SPAG16: variants seen among roughly 807,000 people sequenced by gnomAD.
SPAG16 encodes sperm-associated antigen 16 protein.
In SPAG16, 86 loss-of-function variants were observed where a neutral mutation model predicts 80.4. The observed-to-expected ratio is 1.07, with a 90% CI of 0.90 to 1.28. The LOEUF (loss-of-function observed/expected upper bound fraction) is 1.28, where lower values mean the gene tolerates loss of function less well. SPAG16 is among the 50% of genes most tolerant of loss of function. SPAG16 has a pLI of 0.00. For synonymous variants in SPAG16, 294 were observed against 265.9 expected (o/e 1.11, Z -1.03); for missense variants, 870 against 765.3 (o/e 1.14, Z -1.61).
At chr2:214,222,309 G>T (rs1299782987) in intron 15 of SPAG16, among the ~76,000 whole-genome samples, 1 of 151,734 alleles carries the variant, frequency 6.6e-6, no homozygotes, top group African/African-American at 2.4e-5. Flanking sequence ...TAGAGATGGG[G>T]TTTCACCATG....
chr2:213,517,117 C>T (rs906222535), intron 10 of SPAG16, among the ~76,000 whole-genome samples: 2 of 152,232 alleles, frequency 1.3e-5, no homozygotes, highest in South Asian at 4.1e-4. Context: ...AGGAAGATTT[C>T]AGGACCCAAA....
At chr2:214,134,116 C>T (rs13416921) in intron 14 of SPAG16, among the ~76,000 whole-genome samples, 15,639 of 152,204 alleles carry the variant, frequency 0.1, 1,038 homozygotes, top group East Asian at 0.28. Context: ...GACTTAATGA[C>T]GACTCATAGT....
intron 15 of SPAG16, among the ~76,000 whole-genome samples, chr2:214,395,999 A>C (rs961799328): frequency 1.3e-5 from 2 of 152,136 alleles, no homozygotes; most frequent in African/African-American, 4.8e-5. Flanking sequence ...ACACGTGTGC[A>C]TGTGTCTTTA....
intron 9 of SPAG16, among the ~76,000 whole-genome samples, chr2:213,407,047 C>T (rs909055250): frequency 6.6e-6 from 1 of 151,784 alleles, no homozygotes; most frequent in African/African-American, 2.4e-5. Flanking sequence ...GGAGAAGCCG[C>T]GGGAGCGGGT....
At chr2:214,062,138 G>T (rs2050296414) in intron 13 of SPAG16, among the ~76,000 whole-genome samples, 1 of 151,866 alleles carries the variant, frequency 6.6e-6, no homozygotes, top group African/African-American at 2.4e-5. Context: ...CAACCTCCTG[G>T]GCCAGGCAGA....
intron 15 of SPAG16, among the ~76,000 whole-genome samples, chr2:214,387,504 C>T (rs531171453): frequency 3.7e-4 from 56 of 152,266 alleles, no homozygotes; most frequent in Non-Finnish European, 7.2e-4. Flanking sequence ...CTTTTACTTT[C>T]CACCACATTC....
chr2:213,647,478 C>T (rs561403283), intron 10 of SPAG16, among the ~76,000 whole-genome samples: 5 of 152,204 alleles, frequency 3.3e-5, no homozygotes, highest in Non-Finnish European at 5.9e-5. Context: ...GGTCCCGCTG[C>T]TGGCATACAG....
intron 10 of SPAG16, among the ~76,000 whole-genome samples, chr2:213,844,926 T>C (rs1222567100): frequency 1.3e-5 from 2 of 152,214 alleles, no homozygotes; most frequent in Non-Finnish European, 2.9e-5. Context: ...ACTGAGGATA[T>C]GATCTAAAAA....
At chr2:213,683,913 T>G (rs1015608785) in intron 10 of SPAG16, among the ~76,000 whole-genome samples, 1 of 152,214 alleles carries the variant, frequency 6.6e-6, no homozygotes, top group African/African-American at 2.4e-5. Context: ...GTATATGGAT[T>G]AAAATATAGC....
At chr2:213,434,569 A>G (rs956014727) in intron 9 of SPAG16, among the ~76,000 whole-genome samples, 12 of 152,236 alleles carry the variant, frequency 7.9e-5, no homozygotes, top group African/African-American at 2.9e-4. Flanking sequence ...CAAACTATGC[A>G]TCTGATAGGG....
At position 213,791,000 on chromosome 2, in the gene SPAG16, T is replaced by G. The variant is rs78394301; in HGVS notation, c.1071-71485T>G. On this transcript the variant is annotated intron_variant, in intron 10 of 15. Coordinates refer to ENST00000331683, the MANE Select transcript of SPAG16 (RefSeq NM_024532.5). ...ATGAAAATAGCACATAAGTATCCAC[T>G]GAGAAATCCCTGGTGGTTTAATTAT... is the stretch of plus-strand genomic sequence containing the variant. Among the ~76,000 whole-genome samples, 1,357 of 152,240 alleles carry G rather than the reference T, an allele frequency of 8.9e-3. 18 individuals are homozygous for G. The highest frequency in any genetic ancestry group is 0.031 in the African/African-American group (1,302 of 41,564).
chr2:213,943,992 T>C (rs1017121701), intron 12 of SPAG16, among the ~76,000 whole-genome samples: 2 of 152,180 alleles, frequency 1.3e-5, no homozygotes, highest in Non-Finnish European at 2.9e-5. Context: ...TGCAAAAACA[T>C]GTTATTCTTC....
intron 10 of SPAG16, among the ~76,000 whole-genome samples, chr2:213,825,701 C>CTTTTTTTTTTTTTTT (rs55777958): frequency 2.2e-4 from 24 of 109,790 alleles, no homozygotes; most frequent in African/African-American, 4.9e-4. Flanking sequence ...TTCTTTCTTT[C>CTTTTTTTTTTTTTTT]TTTTTTTTTT....
At chr2:213,725,605 A>AT (rs777669033) in intron 10 of SPAG16, among the ~76,000 whole-genome samples, 1 of 152,202 alleles carries the variant, frequency 6.6e-6, no homozygotes. Context: ...AATCCCAAGC[A>AT]TTTATTAGGG....
At chr2:214,224,892 A>G (rs1261510130) in intron 15 of SPAG16, among the ~76,000 whole-genome samples, 2 of 152,154 alleles carry the variant, frequency 1.3e-5, no homozygotes, top group African/African-American at 2.4e-5. Flanking sequence ...AGGGTTGTCA[A>G]TATGTGGGCA....
chr2:213,989,845 CCA>C (rs951068823), intron 12 of SPAG16, among the ~76,000 whole-genome samples: 7 of 151,804 alleles, frequency 4.6e-5, no homozygotes, highest in African/African-American at 1.7e-4. Flanking sequence ...GTTAATGAGC[CCA>C]GAGTCCAAGC....
chr2:213,689,437 G>C (rs1226851448), intron 10 of SPAG16, among the ~76,000 whole-genome samples: 1 of 148,834 alleles, frequency 6.7e-6, no homozygotes. Context: ...ATATTCTTTA[G>C]ATTTCTTTTG....
intron 10 of SPAG16, among the ~76,000 whole-genome samples, chr2:213,818,282 A>G (rs1394615440): frequency 1.3e-5 from 2 of 152,168 alleles, no homozygotes; most frequent in Non-Finnish European, 2.9e-5. Flanking sequence ...TCATAATATG[A>G]CAACCATTGT....
intron 15 of SPAG16, among the ~76,000 whole-genome samples, chr2:214,406,282 TA>T (rs559654194): frequency 2.0e-5 from 3 of 152,156 alleles, no homozygotes. Context: ...TAAAATTCAA[TA>T]AAAATTAATG....
Sources: gnomAD v4.1 joint callset for allele counts (sites outside exome capture counted in the v4.1 genomes callset) on GRCh38, gnomAD v4.1.1 for gene constraint, MANE v1.5 for transcripts, NCBI Gene and HGNC (gene_info 2026-07-23, HGNC 2026-07-21) for gene names.